The following EVA1C variants were observed in gnomAD, a reference collection of about 807,000 sequenced individuals.
EVA1C encodes the protein protein eva-1 homolog C.
Under a neutral mutation model 45.4 loss-of-function variants are expected in EVA1C, and 25 were observed. The observed-to-expected ratio is 0.55, with a 90% CI of 0.40 to 0.77. The LOEUF is 0.77. EVA1C is among the 30% of genes least tolerant of loss of function. The pLI is 0.00. For synonymous variants in EVA1C, 190 were observed against 221.2 expected, an observed-to-expected ratio of 0.86 and a Z score of 1.25; for missense variants, 479 against 554.8, an observed-to-expected ratio of 0.86 and a Z score of 1.37.
intron 1 of EVA1C, among the ~76,000 whole-genome samples, chr21:32,437,243 A>G (rs1208134040): frequency 1.3e-5 from 2 of 152,244 alleles, no homozygotes; most frequent in Non-Finnish European, 1.5e-5. Context: ...GCATTAAGCC[A>G]AGCTCCGGGT....
intron 1 of EVA1C, among the ~76,000 whole-genome samples, chr21:32,444,077 CACA>C (rs369782184): frequency 0.11 from 16,107 of 151,372 alleles, 974 homozygotes; most frequent in Middle Eastern, 0.24. Flanking sequence ...CACACACACA[CACA>C]CACACACACA....
Position 32,412,834 on chromosome 21 carries a change from G to A in EVA1C, c.-20G>A. 1.4e-6 allele frequency: 2 copies of A among 1,410,818 alleles called. No individual in the cohort carries two copies. Among genetic ancestry groups the A allele is most frequent in the East Asian group, 3.0e-5 (1 of 33,340 alleles). The allele number at this position is 1,410,818 out of a possible 1,614,324, so 87.4% of individuals were successfully genotyped here. A position where few individuals can be genotyped will look rare whatever the true frequency, so the allele number is the denominator to read the frequency against. The stretch of plus-strand genomic sequence containing the variant: ...CAGCGCGTCCCGGGCCTGCGCCTCC[G>A]CCCCGCCGCGCAGCGCACGATGCTT... On this transcript the variant is annotated 5_prime_UTR_variant, in exon 1 of 8. Transcript: ENST00000300255.
At chr21:32,508,648 C>T (rs2037850287) in intron 7 of EVA1C, among the ~76,000 whole-genome samples, 1 of 152,214 alleles carries the variant, frequency 6.6e-6, no homozygotes, top group Admixed American at 6.5e-5. Flanking sequence ...GCTGTCAGAC[C>T]AGCACTTGGT....
chr21:32,416,528 C>T (rs1384548927), intron 1 of EVA1C, among the ~76,000 whole-genome samples: 2 of 151,976 alleles, frequency 1.3e-5, no homozygotes, highest in Admixed American at 6.6e-5. Flanking sequence ...ATGTTTTCAC[C>T]ATTTTGGCCA....
chr21:32,475,878 TTTATCTATCTATCTATCTATCTATC>T (rs1256910783), intron 4 of EVA1C, among the ~76,000 whole-genome samples: 36 of 148,096 alleles, frequency 2.4e-4, no homozygotes, highest in African/African-American at 8.5e-4. Context: ...TTCTAAAAAC[TTTATCTATCTATCTATCTATCTATC>T]TATCTATCTA....
At chr21:32,491,021 G>A (rs767105960) in intron 4 of EVA1C, among the ~76,000 whole-genome samples, 9 of 152,198 alleles carry the variant, frequency 5.9e-5, no homozygotes, top group Non-Finnish European at 5.9e-5. Context: ...TCTGGATAGC[G>A]ACAAATGAGC....
At chr21:32,448,538 C>T (rs1035954280) in intron 1 of EVA1C, among the ~76,000 whole-genome samples, 4 of 152,030 alleles carry the variant, frequency 2.6e-5, no homozygotes, top group Admixed American at 1.3e-4. Context: ...TAATGCTATC[C>T]TGGGGCCGAG....
intron 1 of EVA1C, among the ~76,000 whole-genome samples, chr21:32,446,064 T>C (rs1352463790): frequency 6.6e-6 from 1 of 151,906 alleles, no homozygotes; most frequent in Non-Finnish European, 1.5e-5. Context: ...GCCAACATGG[T>C]GAAACCCCGT....
intron 2 of EVA1C, 78 bp from the exon 3 acceptor site, chr21:32,457,519 C>T (rs2035830416): frequency 1.9e-6 from 3 of 1,584,614 alleles, no homozygotes; most frequent in Non-Finnish European, 2.6e-6. Context: ...TTGCAGAGCC[C>T]AGAGCAGCCC....
In EVA1C at chr21:32,480,302, T is replaced by TAAAAAAAAAAA. The variant is rs56902183; in HGVS notation, c.634+12458_634+12468dup. Among the ~76,000 whole-genome samples the TAAAAAAAAAAA allele has an allele frequency of 5.7e-3, 598 of 104,988 alleles. 13 individuals are homozygous for TAAAAAAAAAAA. Among genetic ancestry groups the TAAAAAAAAAAA allele is most frequent in the African/African-American group, 0.021 (500 of 23,786 alleles). 68.9% of individuals were successfully genotyped at this position (104,988 alleles called of 152,430 possible). A position where few individuals can be genotyped will look rare whatever the true frequency, so the allele number is the denominator to read the frequency against. On this transcript the variant is annotated intron_variant, in intron 4 of 7. Coordinates refer to ENST00000300255, the MANE Select transcript of EVA1C (RefSeq NM_058187.5). ...GTTGACAGAGCAAGGCCCTGTCTCT[T>TAAAAAAAAAAA]AAAAAAAAAAAAAAGGTACCGAGTT...
At chr21:32,419,868 G>T (rs760207620) in intron 1 of EVA1C, among the ~76,000 whole-genome samples, 2 of 152,170 alleles carry the variant, frequency 1.3e-5, no homozygotes, top group Non-Finnish European at 2.9e-5. Flanking sequence ...AATGAGGCTG[G>T]TATATTTGTA....
chr21:32,467,304 A>G (rs2036208876), intron 3 of EVA1C, among the ~76,000 whole-genome samples: 1 of 152,078 alleles, frequency 6.6e-6, no homozygotes, highest in Non-Finnish European at 1.5e-5. Flanking sequence ...GTCTTTACCT[A>G]TGTGGATCTC....
chr21:32,501,201 G>A (rs2037517747), intron 5 of EVA1C, among the ~76,000 whole-genome samples: 1 of 150,878 alleles, frequency 6.6e-6, no homozygotes, highest in South Asian at 2.1e-4. Context: ...ATTGCAAAAT[G>A]GGCCTAAAAC....
chr21:32,435,559 G>A (rs1253783971), intron 1 of EVA1C, among the ~76,000 whole-genome samples: 1 of 152,162 alleles, frequency 6.6e-6, no homozygotes, highest in Non-Finnish European at 1.5e-5. Flanking sequence ...GGATTTCCTA[G>A]ATTTCCCAGC....
rs1376560069 is a variant in EVA1C at position 32,467,732 on chromosome 21, A to G, written c.518A>G (p.Glu173Gly). The change falls in exon 4 of 8, where the codon GAG becomes GGG. Residue 173 changes from glutamate (E) to glycine (G), a missense_variant. This residue lies in a region of EVA1C where 366 missense variants were observed against 426.1 expected (regional missense o/e 0.86). Transcript: ENST00000300255. Reference sequence around the variant, plus strand: ...AACAAAACCGTGTGTGAAGACCAGGAGCTGAAACTGCACTGCCATGAATCC... The same window carrying G: ...AACAAAACCGTGTGTGAAGACCAGGGGCTGAAACTGCACTGCCATGAATCC... ...LKNKTVCEDQ[E>G]LKLHCHESKF... 1.2e-6 allele frequency: 2 copies of G among 1,611,064 alleles called. No individual in the cohort carries two copies. The highest frequency in any genetic ancestry group is 1.3e-5 in the African/African-American group (1 of 74,798).
chr21:32,438,540 T>A (rs1212296198), intron 1 of EVA1C, among the ~76,000 whole-genome samples: 1 of 147,434 alleles, frequency 6.8e-6, no homozygotes, highest in African/African-American at 2.5e-5. Flanking sequence ...CATTCATTTA[T>A]GGTATAAGAG....
intron 1 of EVA1C, among the ~76,000 whole-genome samples, chr21:32,448,479 G>A (rs957404356): frequency 1.3e-5 from 2 of 152,130 alleles, no homozygotes; most frequent in African/African-American, 2.4e-5. Flanking sequence ...CAGCTCGCCC[G>A]AGCTCCTCGT....
chr21:32,428,530 A>C (rs2146145046), intron 1 of EVA1C: 1 of 152,374 alleles, frequency 6.6e-6, no homozygotes, highest in Non-Finnish European at 1.5e-5. Context: ...GAAAGGAGTC[A>C]GACAGACACC....
At chr21:32,451,469 G>C (rs1344038722) in intron 1 of EVA1C, among the ~76,000 whole-genome samples, 2 of 152,220 alleles carry the variant, frequency 1.3e-5, no homozygotes, top group African/African-American at 4.8e-5. Context: ...GCTTCTCAGA[G>C]CCCAGGGCTG....
Sources: gnomAD v4.1 joint callset for allele counts (sites outside exome capture counted in the v4.1 genomes callset) on GRCh38, gnomAD v4.1.1 for gene constraint, gnomAD v4.1.1 regional missense constraint, MANE v1.5 for transcripts, NCBI Gene and HGNC (gene_info 2026-07-23, HGNC 2026-07-21) for gene names.